Variants in TENM1 observed in about 807,000 individuals in gnomAD.
The protein encoded by TENM1 is teneurin-1.
A neutral mutation model predicts 174.8 loss-of-function variants in TENM1; 35 were observed. The ratio of observed to expected loss-of-function variants is 0.20; its 90% confidence interval spans 0.15 to 0.27. The LOEUF (loss-of-function observed/expected upper bound fraction) is 0.27, where lower values mean the gene tolerates loss of function less well. Ranked by LOEUF, TENM1 falls within the 10% of genes least tolerant of loss-of-function variation. TENM1 has a pLI of 1.00. For synonymous variants in TENM1, 781 were observed against 798.7 expected, an observed-to-expected ratio of 0.98 and a Z score of 0.37; for missense variants, 1,633 against 2,130.1, an observed-to-expected ratio of 0.77 and a Z score of 4.59.
At chrX:125,093,832 C>A in the TENM1 span, among the ~76,000 whole-genome samples, 3 of 111,621 alleles carry the variant, frequency 2.7e-5, no homozygotes, top group Admixed American at 9.5e-5. Context: ...TGGGAGGGAC[C>A]AAGTCATTTA....
the TENM1 span, among the ~76,000 whole-genome samples, chrX:125,137,373 A>G: frequency 9.0e-6 from 1 of 110,688 alleles, no homozygotes; most frequent in Non-Finnish European, 1.9e-5. Context: ...AAACATTTTA[A>G]AATGAGGCCC....
intron 23 of TENM1, among the ~76,000 whole-genome samples, chrX:124,442,804 G>A (rs1336455947): frequency 9.1e-6 from 1 of 110,131 alleles, no homozygotes; most frequent in Non-Finnish European, 1.9e-5. Context: ...TGGGACTACA[G>A]GCATGCACCA....
chrX:125,099,119 G>A, the TENM1 span, among the ~76,000 whole-genome samples: 1 of 112,334 alleles, frequency 8.9e-6, no homozygotes, highest in African/African-American at 3.2e-5. Flanking sequence ...TATTTAATAA[G>A]TGTTAAGAGG....
chrX:124,688,825 C>A (rs1177106833), intron 5 of TENM1: 1 of 111,788 alleles, frequency 8.9e-6, no homozygotes, highest in Non-Finnish European at 1.9e-5. Flanking sequence ...ATTGTTCCTT[C>A]TTTCCTTTGG....
At chrX:125,193,554 C>T in the TENM1 span, among the ~76,000 whole-genome samples, 1 of 111,332 alleles carries the variant, frequency 9.0e-6, no homozygotes, top group African/African-American at 3.3e-5. Context: ...CTAGAGATGA[C>T]TTAAAGTATA....
intron 3 of TENM1, among the ~76,000 whole-genome samples, chrX:124,858,771 A>C (rs1475106558): frequency 9.0e-6 from 1 of 111,456 alleles, no homozygotes. Flanking sequence ...ACGATATCTG[A>C]AGCAAAGCAA....
intron 21 of TENM1, 73 bp downstream of exon 24, chrX:124,487,136 A>G: frequency 9.9e-7 from 1 of 1,012,771 alleles, no homozygotes; most frequent in African/African-American, 1.9e-5. Flanking sequence ...AAATTTCCCT[A>G]TTAACACATT....
At chrX:124,431,281 C>T (rs1336033554) in intron 23 of TENM1, among the ~76,000 whole-genome samples, 2 of 112,521 alleles carry the variant, frequency 1.8e-5, no homozygotes, top group Admixed American at 9.4e-5. Flanking sequence ...GGTCCTGCCT[C>T]CCCATTTCAA....
chrX:125,140,456 A>C, the TENM1 span, among the ~76,000 whole-genome samples: 55 of 111,789 alleles, frequency 4.9e-4, no homozygotes, highest in Admixed American at 9.6e-4. Flanking sequence ...TGGATGGATG[A>C]GTGGATGAAA....
chrX:124,850,171 T>C (rs2056691108), intron 3 of TENM1, among the ~76,000 whole-genome samples: 1 of 111,847 alleles, frequency 8.9e-6, no homozygotes, highest in Non-Finnish European at 1.9e-5. Context: ...CCCACTTCCC[T>C]TTCAGAAAAT....
the TENM1 span, among the ~76,000 whole-genome samples, chrX:125,057,551 T>A: frequency 8.9e-6 from 1 of 111,754 alleles, no homozygotes; most frequent in Non-Finnish European, 1.9e-5. Context: ...TTCCATTTTG[T>A]ACATTAAACC....
chrX:125,085,622 G>C, the TENM1 span, among the ~76,000 whole-genome samples: 1 of 110,923 alleles, frequency 9.0e-6, no homozygotes, highest in African/African-American at 3.3e-5. Context: ...CTTTTAACTT[G>C]TATTTTTCAA....
At chrX:124,899,708 C>T (rs745442073) in intron 1 of TENM1, among the ~76,000 whole-genome samples, 10 of 111,713 alleles carry the variant, frequency 9.0e-5, no homozygotes, top group East Asian at 2.8e-4. Context: ...TACTGCTTTC[C>T]GCAATGGTTG....
intron 18 of TENM1, among the ~76,000 whole-genome samples, chrX:124,504,393 A>G (rs959571088): frequency 1.8e-5 from 2 of 111,896 alleles, no homozygotes; most frequent in East Asian, 2.8e-4. Flanking sequence ...TAAACGTGGA[A>G]CCTCGGTATG....
At chrX:124,959,751 A>G (rs927710605) in intron 1 of TENM1, among the ~76,000 whole-genome samples, 1 of 111,615 alleles carries the variant, frequency 9.0e-6, no homozygotes, top group South Asian at 3.8e-4. Flanking sequence ...ATTAATCACT[A>G]TTCTCTCAGT....
chrX:125,200,652 T>TGAGAGA, the TENM1 span, among the ~76,000 whole-genome samples: 15,515 of 80,628 alleles, frequency 0.19, 1,505 homozygotes, highest in Non-Finnish European at 0.27. Context: ...TGTGTGTGTG[T>TGAGAGA]GTGAGAGAGA....
chrX:125,039,276 C>T, the TENM1 span, among the ~76,000 whole-genome samples: 1 of 111,158 alleles, frequency 9.0e-6, no homozygotes, highest in African/African-American at 3.3e-5. Flanking sequence ...TTAATTTTTA[C>T]GATGATTTGT....
chrX:124,977,817 C>T, the TENM1 span, among the ~76,000 whole-genome samples: 1 of 110,395 alleles, frequency 9.1e-6, no homozygotes, highest in Admixed American at 9.8e-5. Context: ...TTTTAAATTT[C>T]TGAATATATT....
intron 3 of TENM1, among the ~76,000 whole-genome samples, chrX:124,870,560 G>A (rs2057091019): frequency 9.0e-6 from 1 of 111,451 alleles, no homozygotes; most frequent in African/African-American, 3.3e-5. Context: ...TGATGGAGGT[G>A]TAAGAGTGAA....
Sources: allele counts gnomAD v4.1 joint callset (sites outside exome capture counted in the v4.1 genomes callset), GRCh38; gene constraint gnomAD v4.1.1; transcripts MANE v1.5; gene names NCBI Gene and HGNC (gene_info 2026-07-23, HGNC 2026-07-21).